The following ALPK1 variants were observed in gnomAD, a reference collection of about 807,000 sequenced individuals.
ALPK1 encodes the protein alpha kinase 1, also known as alpha-protein kinase 1.
ALPK1 carries 110 observed loss-of-function variants against 120.6 expected under a neutral mutation model. That is an observed-to-expected ratio of 0.91 (90% CI 0.78 to 1.07). ALPK1 has a LOEUF of 1.07. Ranked by LOEUF, ALPK1 falls within the 50% of genes least tolerant of loss-of-function variation. The pLI, the probability that ALPK1 is intolerant of heterozygous loss-of-function variation, is 0.00. For missense variants in ALPK1, 1,498 were observed against 1,483.9 expected, an observed-to-expected ratio of 1.01 and a Z score of -0.16; for synonymous variants, 582 against 560.3, an observed-to-expected ratio of 1.04 and a Z score of -0.55.
intron 9 of ALPK1, 50 bp from the exon 10 acceptor site, chr4:112,429,099 C>A: frequency 6.6e-7 from 1 of 1,507,520 alleles, no homozygotes; most frequent in South Asian, 1.1e-5. Context: ...GTTTTTTGCT[C>A]ATCGATAATT....
intron 2 of ALPK1, among the ~76,000 whole-genome samples, chr4:112,365,702 A>G (rs1172787343): frequency 6.6e-6 from 1 of 152,206 alleles, no homozygotes; most frequent in Non-Finnish European, 1.5e-5. Context: ...ACTAGAAAAA[A>G]CAATCCTAAA....
chr4:112,431,938 T>C lies in ALPK1; in HGVS notation c.2391T>C (p.Asp797=), dbSNP rs1430731148. Residue 797 remains aspartate (D), a synonymous_variant, in exon 11 of 16, where the codon GAT becomes GAC. Coordinates refer to ENST00000650871, the MANE Select transcript of ALPK1 (RefSeq NM_025144.4). ...GAGAAACAGCAGAAAGCACTGAAGATGCACCCTTAGACTTTCACAGGGTCC... is the reference window on the plus strand; with the variant it reads ...GAGAAACAGCAGAAAGCACTGAAGACGCACCCTTAGACTTTCACAGGGTCC... ...PEGETAESTE[D]APLDFHRVLH... 12 of 1,614,094 alleles carry C rather than the reference T, an allele frequency of 7.4e-6. No homozygotes were observed. Among genetic ancestry groups the C allele is most frequent in the Non-Finnish European group, 9.3e-6 (11 of 1,180,044 alleles).
intron 4 of ALPK1, among the ~76,000 whole-genome samples, chr4:112,388,693 C>T (rs1374765044): frequency 6.6e-6 from 1 of 150,970 alleles, no homozygotes; most frequent in East Asian, 1.9e-4. Flanking sequence ...TACTGGGTGT[C>T]AGCATGTGCC....
intron 1 of ALPK1, among the ~76,000 whole-genome samples, chr4:112,299,951 T>A (rs1160460660): frequency 6.6e-6 from 1 of 152,104 alleles, no homozygotes; most frequent in Non-Finnish European, 1.5e-5. Flanking sequence ...AAACATTATC[T>A]AGATCAAGGG....
Position 112,333,885 on chromosome 4 carries a change from T to C in ALPK1, c.-101+18033T>C, listed in dbSNP as rs28707221. Among the ~76,000 whole-genome samples the C allele has an allele frequency of 5.6e-3, 857 of 152,328 alleles. 6 individuals carry two copies. Among genetic ancestry groups the C allele is most frequent in the African/African-American group, 0.019 (801 of 41,582 alleles). On this transcript the variant is annotated intron_variant, in intron 2 of 15. Transcript: ENST00000650871. ...GAAGCACGAAGCTTCTTAATGCTTTTTCTTTTCCTTTTGCTTTTGTTTTTT... is the reference window on the plus strand; with the variant it reads ...GAAGCACGAAGCTTCTTAATGCTTTCTCTTTTCCTTTTGCTTTTGTTTTTT...
chr4:112,353,580 C>A (rs1290807037), intron 2 of ALPK1, among the ~76,000 whole-genome samples: 1 of 151,940 alleles, frequency 6.6e-6, no homozygotes, highest in African/African-American at 2.4e-5. Flanking sequence ...CAAGAAGTTG[C>A]AAAGGGGCCG....
intron 3 of ALPK1, among the ~76,000 whole-genome samples, chr4:112,380,273 T>A (rs1731841190): frequency 6.6e-6 from 1 of 152,228 alleles, no homozygotes; most frequent in East Asian, 1.9e-4. Context: ...TGAAATTATG[T>A]CAGTGGCTGT....
At chr4:112,391,426 C>T (rs926823957) in intron 4 of ALPK1, among the ~76,000 whole-genome samples, 4 of 152,176 alleles carry the variant, frequency 2.6e-5, no homozygotes, top group Non-Finnish European at 5.9e-5. Context: ...ACAGTCTTAC[C>T]ATGTATCATG....
At chr4:112,315,696 C>T (rs745839295) in intron 1 of ALPK1, 105 bp from the exon 2 acceptor site, 2 of 152,164 alleles carry the variant, frequency 1.3e-5, no homozygotes, top group African/African-American at 4.8e-5. Flanking sequence ...TCCGCTGTTT[C>T]GAATAGCAAG....
At chr4:112,345,984 C>T (rs2148708428) in intron 2 of ALPK1, among the ~76,000 whole-genome samples, 1 of 152,288 alleles carries the variant, frequency 6.6e-6, no homozygotes, top group Non-Finnish European at 1.5e-5. Context: ...CTGTCTCAGC[C>T]TCCTGAGTAC....
chr4:112,411,476 C>T (rs184858469), intron 4 of ALPK1, among the ~76,000 whole-genome samples: 13 of 152,328 alleles, frequency 8.5e-5, no homozygotes, highest in Non-Finnish European at 1.3e-4. Context: ...CCACACGCCT[C>T]GGCCTCCCAA....
At chr4:112,391,355 G>C (rs1732408848) in intron 4 of ALPK1, among the ~76,000 whole-genome samples, 1 of 152,144 alleles carries the variant, frequency 6.6e-6, no homozygotes, top group Non-Finnish European at 1.5e-5. Flanking sequence ...GCCATAAAAA[G>C]TATGGACAAC....
intron 2 of ALPK1, among the ~76,000 whole-genome samples, chr4:112,349,919 A>G (rs1730274437): frequency 6.6e-6 from 1 of 152,214 alleles, no homozygotes; most frequent in South Asian, 2.1e-4. Context: ...GTATCTAAGC[A>G]TGGTATTTTA....
intron 2 of ALPK1, among the ~76,000 whole-genome samples, chr4:112,351,469 C>A (rs1456515472): frequency 2.1e-5 from 3 of 146,314 alleles, no homozygotes; most frequent in Non-Finnish European, 4.5e-5. Flanking sequence ...AAAAATCAGA[C>A]ACTTCTTTTT....
chr4:112,429,588 CTTTGGGAG>C (rs1299428075), intron 10 of ALPK1, among the ~76,000 whole-genome samples: 4 of 152,150 alleles, frequency 2.6e-5, no homozygotes, highest in Non-Finnish European at 5.9e-5. Context: ...AATCCCATCA[CTTTGGGAG>C]GCCAAGGTAG....
chr4:112,381,415 A>G (rs1560662511), intron 3 of ALPK1, among the ~76,000 whole-genome samples: 1 of 152,244 alleles, frequency 6.6e-6, no homozygotes, highest in East Asian at 1.9e-4. Context: ...TTGCAAGACA[A>G]GTACCTAGAG....
chr4:112,319,700 G>T (rs932564000), intron 2 of ALPK1, among the ~76,000 whole-genome samples: 4 of 152,098 alleles, frequency 2.6e-5, no homozygotes, highest in African/African-American at 9.7e-5. Context: ...CCATTTGTTT[G>T]TGTCATCTAT....
At chr4:112,301,142 C>T (rs1727770352) in intron 1 of ALPK1, among the ~76,000 whole-genome samples, 2 of 152,150 alleles carry the variant, frequency 1.3e-5, no homozygotes, top group African/African-American at 4.8e-5. Context: ...GTCAGCCCGT[C>T]ATCATTTTCC....
At chr4:112,358,771 C>A in intron 2 of ALPK1, 2 of 816,266 alleles carry the variant, frequency 2.5e-6, no homozygotes, top group Non-Finnish European at 4.4e-6. Context: ...CAGATGAACA[C>A]GGCCAAGCTC....
Sources: gnomAD v4.1 joint callset for allele counts (sites outside exome capture counted in the v4.1 genomes callset) on GRCh38, gnomAD v4.1.1 for gene constraint, MANE v1.5 for transcripts, NCBI Gene and HGNC (gene_info 2026-07-23, HGNC 2026-07-21) for gene names.